The following PI15 variants were observed in gnomAD, a reference collection of about 807,000 sequenced individuals.
PI15 encodes peptidase inhibitor 15.
In PI15, 18 loss-of-function variants were observed where a neutral mutation model predicts 31.0. The ratio of observed to expected loss-of-function variants is 0.58; its 90% CI spans 0.40 to 0.86. The LOEUF (loss-of-function observed/expected upper bound fraction) is 0.86. Ranked by LOEUF, PI15 falls within the 40% of genes least tolerant of loss-of-function variation. The pLI is 0.00. For synonymous variants in PI15, 118 were observed against 119.1 expected (o/e 0.99, Z 0.06); for missense variants, 282 against 328.1 (o/e 0.86, Z 1.09).
intron 2 of PI15, among the ~76,000 whole-genome samples, chr8:74,839,542 T>C (rs1810915592): frequency 6.6e-6 from 1 of 152,170 alleles, no homozygotes; most frequent in Non-Finnish European, 1.5e-5. Context: ...ATATTCTTAA[T>C]TTTTCCTCAT....
intron 2 of PI15, among the ~76,000 whole-genome samples, chr8:74,840,381 T>A (rs1040623112): frequency 1.3e-5 from 2 of 152,218 alleles, no homozygotes; most frequent in Admixed American, 1.3e-4. Flanking sequence ...CTTCATATAG[T>A]TCTGATAGTT....
intron 5 of PI15, among the ~76,000 whole-genome samples, chr8:74,846,270 T>G (rs1038665183): frequency 5.9e-5 from 9 of 152,216 alleles, no homozygotes; most frequent in Admixed American, 5.9e-4. Flanking sequence ...GCATTACTCA[T>G]TTATGTGGTA....
chr8:74,849,108 T>C lies in PI15; in HGVS notation c.642-10T>C. The C allele has an allele frequency of 5.0e-6, 8 of 1,607,008 alleles. No homozygotes were observed. Among genetic ancestry groups the C allele is most frequent in the Non-Finnish European group, 5.9e-6 (7 of 1,177,552 alleles). On this transcript the variant is annotated splice_polypyrimidine_tract_variant and intron_variant, in intron 5 of 5. Coordinates refer to ENST00000260113, the MANE Select transcript of PI15 (RefSeq NM_015886.5). ...TGCACTAATGCTATCTTTTTTGTTT[T>C]CCCTTCTAGGGGCAATTGGATTGGA...
At position 74,852,596 on chromosome 8, in the gene PI15, CT is replaced by C. The variant is rs1286198433; in HGVS notation, c.*3346del. On this transcript the variant is annotated 3_prime_UTR_variant, in exon 6 of 6. Coordinates refer to ENST00000260113, the MANE Select transcript of PI15 (RefSeq NM_015886.5). ...ACATTCATTTGAAAGTTCCATGCAG[CT>C]TTAGCACAGAGTTGACCAAACACTG... 6.6e-6 allele frequency: 1 copy of C among 152,068 alleles called. No individual in the cohort carries two copies. The highest frequency in any genetic ancestry group is 2.4e-5 in the African/African-American group (1 of 41,434). 9.4% of individuals were successfully genotyped at this position (152,068 alleles called of 1,614,324 possible).
chr8:74,852,828 C>A lies in PI15; in HGVS notation c.*3575C>A, dbSNP rs894138848. On this transcript the variant is annotated 3_prime_UTR_variant, in exon 6 of 6. Coordinates refer to ENST00000260113, the MANE Select transcript of PI15 (RefSeq NM_015886.5). Reference sequence around the variant, plus strand: ...ATGGGTCTATGAAGGAAAAATAATGCTTAGACTTTGGTGTAGGTTCTTCCT... The same window carrying A: ...ATGGGTCTATGAAGGAAAAATAATGATTAGACTTTGGTGTAGGTTCTTCCT... 1.3e-5 allele frequency: 2 copies of A among 152,002 alleles called. No individual in the cohort carries two copies. Among genetic ancestry groups the A allele is most frequent in the Non-Finnish European group, 2.9e-5 (2 of 67,932 alleles). The allele number at this position is 152,002 out of a possible 1,614,324, so 9.4% of individuals were successfully genotyped here.
chr8:74,853,924 TA>T lies in PI15; in HGVS notation c.*4673del. 1 of 152,126 alleles carries T rather than the reference TA, an allele frequency of 6.6e-6. No homozygotes were observed. Among genetic ancestry groups the T allele is most frequent in the South Asian group, 2.1e-4 (1 of 4,826 alleles). The allele number at this position is 152,126 out of a possible 1,614,324, so 9.4% of individuals were successfully genotyped here. Reference sequence around the variant, plus strand: ...AAACACAATTAGAATTACAATTAATTAACAGAGGTATAATTGTCTCACTTTC... The same window carrying T: ...AAACACAATTAGAATTACAATTAATTACAGAGGTATAATTGTCTCACTTTC... On this transcript the variant is annotated 3_prime_UTR_variant, in exon 6 of 6. Transcript: ENST00000260113.
rs946914593 is a variant in PI15 at position 74,854,181 on chromosome 8, A to G, written c.*4928A>G. ...ATATCATGTGTAACTATTATAGATA[A>G]CATCCTAAACCTTCAGTTTAGATAT... On this transcript the variant is annotated 3_prime_UTR_variant, in exon 6 of 6. Transcript: ENST00000260113. 2.6e-5 allele frequency: 4 copies of G among 152,160 alleles called. No individual in the cohort carries two copies. The highest frequency in any genetic ancestry group is 4.4e-5 in the Non-Finnish European group (3 of 67,914). The allele number at this position is 152,160 out of a possible 1,614,324, so 9.4% of individuals were successfully genotyped here.
chr8:74,836,200 G>T (rs974471030), intron 2 of PI15, among the ~76,000 whole-genome samples: 1 of 152,164 alleles, frequency 6.6e-6, no homozygotes, highest in Admixed American at 6.5e-5. Flanking sequence ...GGTTTATGTT[G>T]CAACTACTGA....
intron 2 of PI15, among the ~76,000 whole-genome samples, chr8:74,843,546 G>C (rs899974067): frequency 6.6e-6 from 1 of 152,080 alleles, no homozygotes; most frequent in South Asian, 2.1e-4. Flanking sequence ...TGACCAATTT[G>C]GTGAAACTCT....
chr8:74,832,069 G>A (rs1158161791), intron 2 of PI15, among the ~76,000 whole-genome samples: 3 of 152,100 alleles, frequency 2.0e-5, no homozygotes, highest in African/African-American at 4.8e-5. Context: ...GATAGTCTAG[G>A]TATCCTCAGC....
intron 2 of PI15, among the ~76,000 whole-genome samples, chr8:74,829,513 C>A (rs1002059990): frequency 1.3e-5 from 2 of 152,168 alleles, no homozygotes; most frequent in Non-Finnish European, 2.9e-5. Flanking sequence ...AAGACCCACA[C>A]ATAGAGTAAA....
At chr8:74,849,015 G>C (rs1192405502) in intron 5 of PI15, 103 bp from the exon 6 acceptor site, 1 of 923,820 alleles carries the variant, frequency 1.1e-6, no homozygotes. Context: ...TTCTCAAACG[G>C]ATCATCACAT....
Position 74,845,495 on chromosome 8 carries a change from A to G in PI15, c.639A>G (p.Pro213=). 1.3e-6 allele frequency: 2 copies of G among 1,576,068 alleles called. No homozygotes were observed. Among genetic ancestry groups the G allele is most frequent in the South Asian group, 2.2e-5 (2 of 90,296 alleles). ...RAVYLVCNYA[P]KGNWIGEAPY... is the part of the protein sequence containing the mutation. ...TTTACTTGGTATGCAACTATGCCCC[A>G]AAGTAAGTACCAGGTTGGATTCTAT... The change falls in exon 5 of 6, where the codon CCA becomes CCG. Residue 213 remains proline, a splice_region_variant and synonymous_variant. Coordinates refer to ENST00000260113, the MANE Select transcript of PI15 (RefSeq NM_015886.5).
At chr8:74,837,847 CAG>C (rs1382200553) in intron 2 of PI15, among the ~76,000 whole-genome samples, 3 of 152,120 alleles carry the variant, frequency 2.0e-5, no homozygotes, top group African/African-American at 4.8e-5. Context: ...CCCCAAAATT[CAG>C]AGTCTGATAT....
rs1563573062 is a variant in PI15 at position 74,853,928 on chromosome 8, A to G, written c.*4675A>G. The G allele has an allele frequency of 1.3e-5, 2 of 152,016 alleles. No individual in the cohort carries two copies. Among genetic ancestry groups the G allele is most frequent in the South Asian group, 4.1e-4 (2 of 4,830 alleles). The allele number at this position is 152,016 out of a possible 1,614,324, so 9.4% of individuals were successfully genotyped here. On this transcript the variant is annotated 3_prime_UTR_variant, in exon 6 of 6. Transcript: ENST00000260113. ...ACAATTAGAATTACAATTAATTAAC[A>G]GAGGTATAATTGTCTCACTTTCAGA...
chr8:74,847,832 C>G (rs1222365722), intron 5 of PI15, among the ~76,000 whole-genome samples: 2 of 152,010 alleles, frequency 1.3e-5, no homozygotes, highest in African/African-American at 4.8e-5. Flanking sequence ...AAGATGAGGA[C>G]CACCTGTTTC....
rs1586949742 is a variant in PI15, at chr8:74,825,113, C to T, written c.-40-97C>T. On this transcript the variant is annotated intron_variant, in intron 1 of 5. Transcript: ENST00000260113. ...ATTTGTTTGGATTTTTGAAGAAAGT[C>T]AAATCAAGCAATGCTCCCAAATGAT... 2.4e-5 allele frequency: 18 copies of T among 743,176 alleles called. No individual in the cohort carries two copies. In the East Asian group the frequency reaches 3.0e-4, roughly 12 times the overall value. The allele number at this position is 743,176 out of a possible 1,614,324, so 46.0% of individuals were successfully genotyped here. A position where few individuals can be genotyped will look rare whatever the true frequency, so the allele number is the denominator to read the frequency against.
intron 2 of PI15, among the ~76,000 whole-genome samples, chr8:74,835,935 C>CAATCCAGATAGTG (rs1810866728): frequency 6.6e-6 from 1 of 152,148 alleles, no homozygotes; most frequent in East Asian, 1.9e-4. Flanking sequence ...CTTAGTGTCT[C>CAATCCAGATAGTG]TTTCAATAAT....
intron 2 of PI15, among the ~76,000 whole-genome samples, chr8:74,837,639 T>A (rs1462114513): frequency 6.6e-6 from 1 of 152,130 alleles, no homozygotes; most frequent in Non-Finnish European, 1.5e-5. Context: ...CTTTTCTCAA[T>A]CTAAGAAAAA....
Sources: gnomAD v4.1 joint callset for allele counts (sites outside exome capture counted in the v4.1 genomes callset) on GRCh38, gnomAD v4.1.1 for gene constraint, MANE v1.5 for transcripts, NCBI Gene and HGNC (gene_info 2026-07-23, HGNC 2026-07-21) for gene names.